The following GPATCH8 variants were observed in gnomAD, a reference collection of about 807,000 sequenced individuals.
The protein encoded by GPATCH8 is G-patch domain containing 8, also known as G patch domain-containing protein 8.
In GPATCH8, 18 loss-of-function variants were observed where a neutral mutation model predicts 118.3. That is an observed-to-expected ratio of 0.15 (90% CI 0.11 to 0.23). The LOEUF (loss-of-function observed/expected upper bound fraction) is 0.23. Among genes scored for constraint, GPATCH8 ranks in the 10% least tolerant of loss-of-function variants. The pLI, the probability that GPATCH8 is intolerant of heterozygous loss-of-function variation, is 1.00. For synonymous variants in GPATCH8, 659 were observed against 684.7 expected, an observed-to-expected ratio of 0.96 and a Z score of 0.59; for missense variants, 1,631 against 1,873.8, an observed-to-expected ratio of 0.87 and a Z score of 2.39.
At chr17:44,416,146 C>T (rs1240791837) in intron 6 of GPATCH8, among the ~76,000 whole-genome samples, 12 of 152,148 alleles carry the variant, frequency 7.9e-5, no homozygotes, top group East Asian at 1.9e-4. Context: ...GGATTACAGG[C>T]GTGTGCCACC....
intron 5 of GPATCH8, among the ~76,000 whole-genome samples, chr17:44,429,953 C>A (rs1263695709): frequency 6.6e-6 from 1 of 152,010 alleles, no homozygotes; most frequent in Non-Finnish European, 1.5e-5. Flanking sequence ...TGCTTGAACC[C>A]GGGAGGCACA....
chr17:44,401,847 T>C (rs1028563902), intron 7 of GPATCH8, among the ~76,000 whole-genome samples: 18 of 151,342 alleles, frequency 1.2e-4, no homozygotes, highest in African/African-American at 4.1e-4. Context: ...CTACTAAAAA[T>C]ACAAAAATTA....
intron 1 of GPATCH8, among the ~76,000 whole-genome samples, chr17:44,483,643 TTA>T (rs1968524823): frequency 6.9e-6 from 1 of 145,262 alleles, no homozygotes; most frequent in Non-Finnish European, 1.5e-5. Flanking sequence ...GAAATTTACT[TTA>T]TTTTTTATTT....
intron 3 of GPATCH8, among the ~76,000 whole-genome samples, chr17:44,460,831 G>T (rs2051516328): frequency 6.6e-6 from 1 of 152,146 alleles, no homozygotes; most frequent in Non-Finnish European, 1.5e-5. Flanking sequence ...TATGGTCAAA[G>T]AAATCTGTCA....
At chr17:44,499,988 T>C (rs1969941170) in intron 1 of GPATCH8, among the ~76,000 whole-genome samples, 1 of 151,614 alleles carries the variant, frequency 6.6e-6, no homozygotes, top group Admixed American at 6.6e-5. Context: ...CAATGTAATT[T>C]ATCATTGTTG....
intron 3 of GPATCH8, among the ~76,000 whole-genome samples, chr17:44,460,204 T>A (rs1389204878): frequency 6.6e-6 from 1 of 152,232 alleles, no homozygotes; most frequent in Non-Finnish European, 1.5e-5. Context: ...ATTAAACATA[T>A]CCTCTGTTTC....
chr17:44,494,856 T>C (rs560217072), intron 1 of GPATCH8, among the ~76,000 whole-genome samples: 5 of 152,218 alleles, frequency 3.3e-5, no homozygotes, highest in Non-Finnish European at 5.9e-5. Flanking sequence ...AATTTATCTT[T>C]GCAGCCCTAG....
At chr17:44,412,359 G>C (rs1198946319) in intron 6 of GPATCH8, among the ~76,000 whole-genome samples, 1 of 152,118 alleles carries the variant, frequency 6.6e-6, no homozygotes, top group Non-Finnish European at 1.5e-5. Flanking sequence ...TCCAGCCTGG[G>C]AAACAGAGCA....
chr17:44,398,035 C>A lies in GPATCH8; in HGVS notation c.4042G>T (p.Ala1348Ser). The change falls in exon 8 of 8, where the codon GCC becomes TCC. Residue 1348 changes from alanine (A) to serine (S), a missense_variant. Around this residue, in one of 8 missense-constraint regions of GPATCH8, gnomAD observed 111 missense variants for 112.4 expected, o/e 0.99. Transcript: ENST00000591680. ...AGGGCTGGTGTGGCTGGGGCCAGGG[C>A]AGCTGAGGCTGGAAAGGCCTTTACT... ...KQVKAFPASA[A>S]LAPATPALQP... is the part of the protein sequence containing the mutation. The A allele has an allele frequency of 2.5e-6, 4 of 1,613,902 alleles. No homozygotes were observed. Among genetic ancestry groups the A allele is most frequent in the Non-Finnish European group, 3.4e-6 (4 of 1,179,860 alleles).
chr17:44,407,916 C>A (rs2143724667), intron 6 of GPATCH8, among the ~76,000 whole-genome samples: 1 of 152,208 alleles, frequency 6.6e-6, no homozygotes, highest in East Asian at 1.9e-4. Flanking sequence ...CTCGGCCTCC[C>A]AAAGTGCTGG....
intron 6 of GPATCH8, among the ~76,000 whole-genome samples, chr17:44,407,966 G>A (rs147035694): frequency 6.6e-6 from 1 of 152,014 alleles, no homozygotes; most frequent in Non-Finnish European, 1.5e-5. Context: ...CCACAATTAA[G>A]ATTTTTATAA....
At chr17:44,476,640 A>C (rs1414042814) in intron 1 of GPATCH8, among the ~76,000 whole-genome samples, 6 of 152,242 alleles carry the variant, frequency 3.9e-5, no homozygotes, top group Admixed American at 3.3e-4. Context: ...AAATCTGCTA[A>C]GACATTAAAC....
chr17:44,445,028 A>G lies in GPATCH8; in HGVS notation c.194-8483T>C, dbSNP rs1205911335. ...TCAAGGAATTATTTTATCAAGTAGA[A>G]CATATCACTATATTAGAAAGGTCTC... On this transcript the variant is annotated intron_variant, in intron 3 of 7. Transcript: ENST00000591680. Among the ~76,000 whole-genome samples the G allele has an allele frequency of 3.9e-5, 6 of 152,212 alleles. No homozygotes were observed. The East Asian group carries it at 1.2e-3, about 29-fold the overall frequency.
chr17:44,486,514 T>A (rs1473761105), intron 1 of GPATCH8: 1 of 152,232 alleles, frequency 6.6e-6, no homozygotes, highest in Non-Finnish European at 1.5e-5. Flanking sequence ...TGTAATAACT[T>A]TAATCTTACC....
chr17:44,497,531 G>A (rs1378099920), intron 1 of GPATCH8, among the ~76,000 whole-genome samples: 2 of 151,834 alleles, frequency 1.3e-5, no homozygotes, highest in African/African-American at 4.8e-5. Flanking sequence ...AAGGCTGCCA[G>A]GAGCCATGAT....
intron 1 of GPATCH8, among the ~76,000 whole-genome samples, chr17:44,502,406 T>C (rs1970144803): frequency 6.6e-6 from 1 of 150,922 alleles, no homozygotes. Context: ...TACCTAGAAA[T>C]AGCCAATCTC....
At chr17:44,469,177 A>G (rs1392891371) in intron 2 of GPATCH8, among the ~76,000 whole-genome samples, 2 of 152,180 alleles carry the variant, frequency 1.3e-5, no homozygotes, top group Non-Finnish European at 2.9e-5. Context: ...AAGGAATATA[A>G]TTTTTAAGCG....
intron 5 of GPATCH8, among the ~76,000 whole-genome samples, chr17:44,430,147 T>C (rs968513822): frequency 3.0e-5 from 4 of 131,978 alleles, no homozygotes; most frequent in African/African-American, 1.1e-4. Flanking sequence ...AAAACCATTT[T>C]AAAATGCAAG....
At chr17:44,495,151 T>C (rs1181203525) in intron 1 of GPATCH8, among the ~76,000 whole-genome samples, 3 of 152,086 alleles carry the variant, frequency 2.0e-5, no homozygotes, top group Admixed American at 6.6e-5. Flanking sequence ...CTGACCTACA[T>C]GATGAAACCC....
Sources: allele counts gnomAD v4.1 joint callset (sites outside exome capture counted in the v4.1 genomes callset), GRCh38; gene constraint gnomAD v4.1.1; regional missense constraint gnomAD v4.1.1; transcripts MANE v1.5; gene names NCBI Gene and HGNC (gene_info 2026-07-23, HGNC 2026-07-21).